Variants in AGBL4 observed in about 807,000 individuals in gnomAD.
AGBL4 encodes cytosolic carboxypeptidase 6.
In AGBL4, 58 loss-of-function variants were observed where a neutral mutation model predicts 66.4. The ratio of observed to expected loss-of-function variants is 0.87; its 90% CI spans 0.71 to 1.09. The LOEUF is 1.09. Ranked by LOEUF, AGBL4 falls within the 50% of genes least tolerant of loss-of-function variation. The pLI, the probability that AGBL4 is intolerant of heterozygous loss-of-function variation, is 0.00. For missense variants in AGBL4, 579 were observed against 631.0 expected (o/e 0.92, Z 0.88); for synonymous variants, 234 against 222.9 (o/e 1.05, Z -0.44).
At chr1:49,598,482 C>T (rs1209410211) in intron 3 of AGBL4, among the ~76,000 whole-genome samples, 2 of 152,192 alleles carry the variant, frequency 1.3e-5, no homozygotes, top group Non-Finnish European at 2.9e-5. Context: ...GAGGTCCACT[C>T]CAGACCCTGT....
chr1:48,724,912 T>G (rs1278231658), intron 6 of AGBL4, among the ~76,000 whole-genome samples: 3 of 152,176 alleles, frequency 2.0e-5, no homozygotes, highest in Non-Finnish European at 2.9e-5. Flanking sequence ...GTCCTGCCAA[T>G]TCAGTATTGA....
At chr1:49,535,747 C>T (rs918111381) in intron 3 of AGBL4, among the ~76,000 whole-genome samples, 12 of 152,018 alleles carry the variant, frequency 7.9e-5, no homozygotes, top group African/African-American at 1.9e-4. Flanking sequence ...GCTGGAGTGC[C>T]GTGGCGCGAT....
intron 9 of AGBL4, among the ~76,000 whole-genome samples, chr1:48,626,021 G>A (rs1466136437): frequency 6.6e-6 from 1 of 152,184 alleles, no homozygotes; most frequent in Non-Finnish European, 1.5e-5. Flanking sequence ...AGCACCCTAT[G>A]TTCTCAGAGC....
At chr1:48,925,490 C>T (rs1654460087) in intron 5 of AGBL4, among the ~76,000 whole-genome samples, 1 of 152,060 alleles carries the variant, frequency 6.6e-6, no homozygotes, top group African/African-American at 2.4e-5. Context: ...TGTAAACTTT[C>T]TTAAAACATT....
chr1:48,725,747 G>C (rs76265654), intron 6 of AGBL4, among the ~76,000 whole-genome samples: 1 of 152,200 alleles, frequency 6.6e-6, no homozygotes, highest in Non-Finnish European at 1.5e-5. Context: ...ATTTGTATGG[G>C]TGTAAGAATG....
chr1:49,535,731 C>CTCCA (rs1427037808), intron 3 of AGBL4, among the ~76,000 whole-genome samples: 2 of 152,110 alleles, frequency 1.3e-5, no homozygotes, highest in Non-Finnish European at 2.9e-5. Context: ...TCCCTCTGTC[C>CTCCA]TCCAGGCTGG....
At chr1:49,679,627 G>A (rs1344519605) in intron 3 of AGBL4, among the ~76,000 whole-genome samples, 1 of 151,914 alleles carries the variant, frequency 6.6e-6, no homozygotes, top group Non-Finnish European at 1.5e-5. Flanking sequence ...TGTTCTCTCT[G>A]TATTCATGTC....
At chr1:49,019,807 A>G (rs890442691) in intron 5 of AGBL4, among the ~76,000 whole-genome samples, 2 of 152,338 alleles carry the variant, frequency 1.3e-5, no homozygotes, top group African/African-American at 4.8e-5. Flanking sequence ...TATTAGGTTC[A>G]TATTGCAAGT....
intron 2 of AGBL4, among the ~76,000 whole-genome samples, chr1:49,757,264 A>C (rs1490805953): frequency 6.6e-6 from 1 of 152,220 alleles, no homozygotes; most frequent in African/African-American, 2.4e-5. Flanking sequence ...ACTGAGAGTC[A>C]ATTAAACCTG....
chr1:48,908,392 A>G (rs1056023680), intron 5 of AGBL4, among the ~76,000 whole-genome samples: 1 of 152,240 alleles, frequency 6.6e-6, no homozygotes, highest in Non-Finnish European at 1.5e-5. Flanking sequence ...ATCTCATGCC[A>G]AGACTCTAAT....
intron 3 of AGBL4, among the ~76,000 whole-genome samples, chr1:49,542,281 C>T (rs1652106263): frequency 6.6e-6 from 1 of 152,204 alleles, no homozygotes; most frequent in African/African-American, 2.4e-5. Context: ...AAGCTTTGTT[C>T]TTTCACTCTT....
chr1:48,872,334 C>A (rs1648752551), intron 5 of AGBL4, among the ~76,000 whole-genome samples: 1 of 152,272 alleles, frequency 6.6e-6, no homozygotes, highest in East Asian at 1.9e-4. Flanking sequence ...TCCCAGGCTG[C>A]ATCTTTGTTT....
intron 6 of AGBL4, among the ~76,000 whole-genome samples, chr1:48,792,522 C>G (rs1452332818): frequency 6.6e-6 from 1 of 152,128 alleles, no homozygotes; most frequent in Non-Finnish European, 1.5e-5. Flanking sequence ...ATTATGTAAT[C>G]TTGGTTAAGC....
chr1:48,622,730 C>T (rs535750285), intron 9 of AGBL4, among the ~76,000 whole-genome samples: 17 of 152,184 alleles, frequency 1.1e-4, no homozygotes, highest in African/African-American at 3.6e-4. Flanking sequence ...GTGATCCACC[C>T]GCCTTGGCCT....
At chr1:49,836,013 T>C (rs535410801) in intron 2 of AGBL4, among the ~76,000 whole-genome samples, 1 of 152,264 alleles carries the variant, frequency 6.6e-6, no homozygotes, top group African/African-American at 2.4e-5. Flanking sequence ...CCTTAACATT[T>C]TTTCCTTTAT....
At chr1:48,573,005 T>C (rs987449658) in intron 11 of AGBL4, among the ~76,000 whole-genome samples, 3 of 152,164 alleles carry the variant, frequency 2.0e-5, no homozygotes, top group Non-Finnish European at 4.4e-5. Context: ...CTGATGCACA[T>C]CCCTACTAAC....
chr1:49,352,810 A>G (rs1302852607), intron 3 of AGBL4, among the ~76,000 whole-genome samples: 3 of 152,250 alleles, frequency 2.0e-5, no homozygotes, highest in Admixed American at 6.5e-5. Context: ...AATAGGACCC[A>G]TAATAATTGT....
intron 8 of AGBL4, among the ~76,000 whole-genome samples, chr1:48,635,375 T>A (rs1557843457): frequency 6.6e-6 from 1 of 152,236 alleles, no homozygotes; most frequent in Non-Finnish European, 1.5e-5. Context: ...CCATTTCTTA[T>A]CACTGTGCTA....
chr1:49,444,996 C>A (rs778191546), intron 3 of AGBL4, among the ~76,000 whole-genome samples: 19 of 150,904 alleles, frequency 1.3e-4, no homozygotes, highest in Non-Finnish European at 2.4e-4. Flanking sequence ...CAAAAGTAGT[C>A]CCTTCATTTC....
Sources: allele counts gnomAD v4.1 joint callset (sites outside exome capture counted in the v4.1 genomes callset), GRCh38; gene constraint gnomAD v4.1.1; transcripts MANE v1.5; gene names NCBI Gene and HGNC (gene_info 2026-07-23, HGNC 2026-07-21).